The following CAMTA1 variants were observed in gnomAD, a reference collection of about 807,000 sequenced individuals.
CAMTA1 encodes the protein calmodulin binding transcription activator 1, also known as calmodulin-binding transcription activator 1.
In CAMTA1, 27 loss-of-function variants were observed where a neutral mutation model predicts 170.9. The observed-to-expected ratio is 0.16, with a 90% CI of 0.12 to 0.22. The LOEUF is 0.22. Ranked by LOEUF, CAMTA1 falls within the 10% of genes least tolerant of loss-of-function variation. The probability of loss-of-function intolerance (pLI) is 1.00; values close to 1 mark genes in which losing one functional copy is unlikely to be tolerated. For missense variants in CAMTA1, 1,619 were observed against 2,217.2 expected (o/e 0.73, Z 5.42); for synonymous variants, 833 against 891.5 (o/e 0.93, Z 1.17).
At chr1:7,749,724 A>G (rs1195992082) in intron 19 of CAMTA1, 1 of 444,850 alleles carries the variant, frequency 2.2e-6, no homozygotes, top group Admixed American at 2.4e-5. Flanking sequence ...ATTTCATTAT[A>G]TTCAGCAATG....
chr1:7,512,784 GAGA>G (rs2094220149), intron 6 of CAMTA1, among the ~76,000 whole-genome samples: 1 of 152,220 alleles, frequency 6.6e-6, no homozygotes, highest in Non-Finnish European at 1.5e-5. Flanking sequence ...ACAAGCCCCT[GAGA>G]AGGTGTCTCC....
chr1:7,473,616 C>T (rs2093370598), intron 6 of CAMTA1, among the ~76,000 whole-genome samples: 1 of 152,248 alleles, frequency 6.6e-6, no homozygotes, highest in Non-Finnish European at 1.5e-5. Context: ...TGCTGCAGCC[C>T]TCAAGAGGGG....
rs1703976216 is a variant in CAMTA1 at position 7,038,581 on chromosome 1, A to G, written c.235-52723A>G. Among the ~76,000 whole-genome samples, 4 of 152,206 alleles carry G rather than the reference A, an allele frequency of 2.6e-5. No homozygotes were observed. In the South Asian group the frequency reaches 8.3e-4, roughly 31 times the overall value. ...TTCACCCTTCTGTTTTCATCCATCC[A>G]TCTTGATATTTTGATTCATTTCAGG... On this transcript the variant is annotated intron_variant, in intron 3 of 22. Transcript: ENST00000303635.
At chr1:7,406,479 G>C (rs551546066) in intron 5 of CAMTA1, among the ~76,000 whole-genome samples, 1 of 152,294 alleles carries the variant, frequency 6.6e-6, no homozygotes, top group Admixed American at 6.5e-5. Flanking sequence ...GACACTCGGA[G>C]AGTGTCTTTG....
At chr1:7,154,145 G>A (rs969659626) in intron 4 of CAMTA1, among the ~76,000 whole-genome samples, 2 of 152,202 alleles carry the variant, frequency 1.3e-5, no homozygotes, top group Non-Finnish European at 2.9e-5. Context: ...AGAAGTCCTA[G>A]TAGGAGACAG....
At chr1:7,629,968 C>T (rs2095657915) in intron 6 of CAMTA1, among the ~76,000 whole-genome samples, 1 of 152,222 alleles carries the variant, frequency 6.6e-6, no homozygotes, top group African/African-American at 2.4e-5. Flanking sequence ...CCCTGGGATA[C>T]ATCTGTAGCT....
At chr1:7,586,939 C>G (rs367878863) in intron 6 of CAMTA1, among the ~76,000 whole-genome samples, 2 of 151,950 alleles carry the variant, frequency 1.3e-5, no homozygotes, top group African/African-American at 2.4e-5. Flanking sequence ...TTGTGCCACT[C>G]AAGAGGGGTT....
At position 7,249,237 on chromosome 1, in the gene CAMTA1, G is replaced by A. The variant is rs545381607; in HGVS notation, c.303-254G>A. Among the ~76,000 whole-genome samples, 1 of 152,100 alleles carries A rather than the reference G, an allele frequency of 6.6e-6. No individual in the cohort carries two copies. Among genetic ancestry groups the A allele is most frequent in the Non-Finnish European group, 1.5e-5 (1 of 68,018 alleles). On this transcript the variant is annotated intron_variant, in intron 4 of 22. Coordinates refer to ENST00000303635, the MANE Select transcript of CAMTA1 (RefSeq NM_015215.4). This position sits in a 1 kb window ranked among gnomAD's most constrained non-coding sequence, Gnocchi z 4.4. ...CATCGTATATCCTGATTACTTTGTG[G>A]TTATTACTGAGGGGATGTTTTTTAA... is the stretch of plus-strand genomic sequence containing the variant.
At chr1:7,541,369 T>C (rs757416730) in intron 6 of CAMTA1, among the ~76,000 whole-genome samples, 5 of 152,216 alleles carry the variant, frequency 3.3e-5, no homozygotes, top group African/African-American at 9.6e-5. Context: ...CTTGTCATAA[T>C]TATTGATGGG....
At chr1:7,733,443 C>T (rs1455566373) in intron 12 of CAMTA1, among the ~76,000 whole-genome samples, 3 of 152,134 alleles carry the variant, frequency 2.0e-5, no homozygotes, top group Non-Finnish European at 2.9e-5. Context: ...ATTACAGCCT[C>T]TTTCACAAAC....
chr1:7,326,007 C>T (rs36016701), intron 5 of CAMTA1, among the ~76,000 whole-genome samples: 4,809 of 152,092 alleles, frequency 0.032, 132 homozygotes, highest in Non-Finnish European at 0.05. Flanking sequence ...TACAGGCGTG[C>T]GCCACCATGC....
At chr1:7,257,877 C>T (rs1390435269) in intron 5 of CAMTA1, among the ~76,000 whole-genome samples, 2 of 152,066 alleles carry the variant, frequency 1.3e-5, no homozygotes, top group Admixed American at 1.3e-4. Context: ...GATATTGGTC[C>T]CATTGAAGAC....
intron 3 of CAMTA1, among the ~76,000 whole-genome samples, chr1:7,087,008 C>T (rs1458749322): frequency 6.6e-6 from 1 of 152,206 alleles, no homozygotes; most frequent in Non-Finnish European, 1.5e-5. Flanking sequence ...CATGCACGCC[C>T]GGAGAGTGAG....
chr1:7,265,809 C>G (rs997021514), intron 5 of CAMTA1, among the ~76,000 whole-genome samples: 6 of 152,196 alleles, frequency 3.9e-5, no homozygotes, highest in Non-Finnish European at 7.3e-5. Context: ...AACAGAGAGG[C>G]TGGAGACCTA....
At position 7,561,816 on chromosome 1, in the gene CAMTA1, CG is replaced by C; in HGVS notation, c.511-78580del. 6.6e-6 allele frequency among the ~76,000 whole-genome samples: 1 copy of C among 152,180 alleles called. No individual in the cohort carries two copies. The highest frequency in any genetic ancestry group is 1.9e-4 in the East Asian group (1 of 5,148). On this transcript the variant is annotated intron_variant, in intron 6 of 22. Transcript: ENST00000303635. This position sits in a 1 kb window ranked among gnomAD's most constrained non-coding sequence, Gnocchi z 5.3. ...CTACCTCCCACAAGCAGAAATGACT[CG>C]GGGATGGATGAGAACGAACCCTCAT...
chr1:7,130,286 A>G (rs1444335831), intron 4 of CAMTA1, among the ~76,000 whole-genome samples: 1 of 152,040 alleles, frequency 6.6e-6, no homozygotes, highest in Admixed American at 6.6e-5. Context: ...GTTCATACAT[A>G]TTGTGTGTAT....
intron 5 of CAMTA1, among the ~76,000 whole-genome samples, chr1:7,404,473 C>T (rs1431220498): frequency 3.3e-5 from 5 of 152,254 alleles, no homozygotes; most frequent in Admixed American, 6.5e-5. Context: ...ACCTTTTGTG[C>T]GGGCTTCCCG....
intron 6 of CAMTA1, among the ~76,000 whole-genome samples, chr1:7,536,612 C>T (rs993690641): frequency 1.3e-5 from 2 of 152,132 alleles, no homozygotes; most frequent in African/African-American, 4.8e-5. Context: ...GGCAGGGCTG[C>T]TGGGGGCAGG....
chr1:7,516,911 A>C (rs753644836), intron 6 of CAMTA1, among the ~76,000 whole-genome samples: 5 of 152,208 alleles, frequency 3.3e-5, no homozygotes, highest in Non-Finnish European at 4.4e-5. Flanking sequence ...TCATTATGAA[A>C]ATAATCCATG....
Sources: allele counts gnomAD v4.1 joint callset (sites outside exome capture counted in the v4.1 genomes callset), GRCh38; gene constraint gnomAD v4.1.1; non-coding constraint Gnocchi (gnomAD v3.1); transcripts MANE v1.5; gene names NCBI Gene and HGNC (gene_info 2026-07-23, HGNC 2026-07-21).